The following ECT2 variants were observed in gnomAD, a reference collection of about 807,000 sequenced individuals.
ECT2 encodes protein ECT2.
ECT2 carries 61 observed loss-of-function variants against 116.9 expected under a neutral mutation model. That is an observed-to-expected ratio of 0.52 (90% CI 0.42 to 0.65). ECT2 has a LOEUF of 0.65. Among genes scored for constraint, ECT2 ranks in the 30% least tolerant of loss-of-function variants. The pLI is 0.00. For synonymous variants in ECT2, 358 were observed against 346.4 expected, an observed-to-expected ratio of 1.03 and a Z score of -0.37; for missense variants, 937 against 1,078.7, an observed-to-expected ratio of 0.87 and a Z score of 1.84.
At chr3:172,788,983 G>A (rs781452290) in intron 18 of ECT2, among the ~76,000 whole-genome samples, 2 of 151,370 alleles carry the variant, frequency 1.3e-5, no homozygotes, top group African/African-American at 4.9e-5. Flanking sequence ...GCTGGAACCC[G>A]GGATGTGGAG....
intron 22 of ECT2, among the ~76,000 whole-genome samples, chr3:172,809,757 C>T (rs925004847): frequency 6.6e-6 from 1 of 151,832 alleles, no homozygotes; most frequent in Non-Finnish European, 1.5e-5. Flanking sequence ...AACTAATAAG[C>T]ACAACTATTT....
At chr3:172,802,538 C>A in intron 18 of ECT2, 78 bp from the exon 19 acceptor site, 1 of 882,780 alleles carries the variant, frequency 1.1e-6, no homozygotes, top group Non-Finnish European at 1.7e-6. Flanking sequence ...TCACATCAAA[C>A]ACAACTTGTG....
At chr3:172,752,730 T>C (rs934827973) in intron 1 of ECT2, among the ~76,000 whole-genome samples, 22 of 152,238 alleles carry the variant, frequency 1.4e-4, no homozygotes, top group Non-Finnish European at 8.8e-5. Flanking sequence ...GAATATTACA[T>C]GAGAATAGTT....
At chr3:172,776,198 C>CTTTTTT (rs60558773) in intron 14 of ECT2, among the ~76,000 whole-genome samples, 39 of 111,596 alleles carry the variant, frequency 3.5e-4, no homozygotes, top group South Asian at 5.8e-4. Flanking sequence ...TCAGTTTTTT[C>CTTTTTT]TTTTTTTTTT....
intron 18 of ECT2, among the ~76,000 whole-genome samples, chr3:172,792,646 A>G (rs941642480): frequency 2.0e-5 from 3 of 152,190 alleles, no homozygotes; most frequent in Non-Finnish European, 4.4e-5. Context: ...ACAAGCTTGT[A>G]TAGACATATG....
At chr3:172,805,646 T>C in intron 20 of ECT2, 85 bp from the exon 21 acceptor site, 1 of 1,275,306 alleles carries the variant, frequency 7.8e-7, no homozygotes, top group Non-Finnish European at 1.1e-6. Flanking sequence ...TATAGATTTA[T>C]GTGATTAGTG....
At chr3:172,779,693 T>C (rs1722349299) in intron 14 of ECT2, among the ~76,000 whole-genome samples, 1 of 152,112 alleles carries the variant, frequency 6.6e-6, no homozygotes, top group South Asian at 2.1e-4. Flanking sequence ...ATCGCTTGAA[T>C]CTAGGAGTTT....
At chr3:172,762,379 G>T (rs1454505308) in intron 8 of ECT2, 37 bp from the exon 9 acceptor site, 13 of 1,169,636 alleles carry the variant, frequency 1.1e-5, no homozygotes, top group Non-Finnish European at 1.5e-5. Context: ...TTGAATTTAA[G>T]TTAAACTGGT....
intron 12 of ECT2, among the ~76,000 whole-genome samples, chr3:172,767,700 A>C (rs530620902): frequency 5.3e-5 from 8 of 152,136 alleles, no homozygotes; most frequent in Admixed American, 3.9e-4. Flanking sequence ...AAAGATGTAT[A>C]TATATCTATA....
At chr3:172,815,794 G>A in intron 23 of ECT2, 83 bp downstream of exon 23, 2 of 864,922 alleles carry the variant, frequency 2.3e-6, no homozygotes, top group East Asian at 2.6e-5. Flanking sequence ...GCAAACACCA[G>A]TATAAAGATA....
At chr3:172,759,221 C>A in intron 6 of ECT2, 152 bp downstream of exon 6, 1 of 565,380 alleles carries the variant, frequency 1.8e-6, no homozygotes, top group Non-Finnish European at 3.0e-6. Context: ...TCTGAAGAAA[C>A]AAATCCTGAA....
intron 12 of ECT2, among the ~76,000 whole-genome samples, chr3:172,765,051 C>A (rs557509300): frequency 5.3e-5 from 8 of 152,300 alleles, no homozygotes; most frequent in African/African-American, 1.9e-4. Context: ...GACCTCATGA[C>A]ACTTTTCACT....
chr3:172,764,281 A>C lies in ECT2; in HGVS notation c.1072A>C (p.Asn358His), dbSNP rs755043861. ...GCTTGTGTGCTTTTGATTACAGGCA[A>C]ATACTCCTGAGCTCAAGAAATCAGT... ...GETMYLYEKA[N>H]TPELKKSVSM... The change falls in exon 12 of 25, where the codon AAT becomes CAT. Residue 358 changes from asparagine to histidine, a missense_variant. Coordinates refer to ENST00000392692, the MANE Select transcript of ECT2 (RefSeq NM_001258315.2). 2 of 1,613,744 alleles carry C rather than the reference A, an allele frequency of 1.2e-6. No individual in the cohort carries two copies. The highest frequency in any genetic ancestry group is 1.7e-6 in the Non-Finnish European group (2 of 1,179,794).
At chr3:172,752,540 C>T (rs1408155029) in intron 1 of ECT2, 1 of 151,382 alleles carries the variant, frequency 6.6e-6, no homozygotes, top group East Asian at 1.9e-4. Context: ...ATGAAAGCCA[C>T]TTTAATGCCT....
At chr3:172,798,104 T>C (rs1246124515) in intron 18 of ECT2, among the ~76,000 whole-genome samples, 1 of 152,198 alleles carries the variant, frequency 6.6e-6, no homozygotes, top group Non-Finnish European at 1.5e-5. Context: ...TTGAGAGATA[T>C]TAAATTATTA....
chr3:172,774,536 C>G (rs1721296034), intron 14 of ECT2, among the ~76,000 whole-genome samples: 1 of 151,964 alleles, frequency 6.6e-6, no homozygotes, highest in African/African-American at 2.4e-5. Context: ...CTCACCCAGG[C>G]TAGCGTGCAG....
the ECT2 span, chr3:172,829,003 C>T: frequency 9.9e-7 from 1 of 1,006,848 alleles, no homozygotes; most frequent in Non-Finnish European, 1.6e-6. Context: ...GGAGACAACA[C>T]TGGTCTGGAA....
chr3:172,824,119 C>T (rs1162273831), downstream of ECT2, among the ~76,000 whole-genome samples: 1 of 152,154 alleles, frequency 6.6e-6, no homozygotes, highest in Non-Finnish European at 1.5e-5. Context: ...GCAGGCTTAA[C>T]TAAATTAGTT....
At chr3:172,803,230 A>G (rs919322022) in intron 20 of ECT2, among the ~76,000 whole-genome samples, 11 of 152,308 alleles carry the variant, frequency 7.2e-5, no homozygotes, top group African/African-American at 2.6e-4. Context: ...TTTCCATGCA[A>G]ATAAATGCTT....
Sources: allele counts gnomAD v4.1 joint callset (sites outside exome capture counted in the v4.1 genomes callset), GRCh38; gene constraint gnomAD v4.1.1; transcripts MANE v1.5; gene names NCBI Gene and HGNC (gene_info 2026-07-23, HGNC 2026-07-21).